BRAF: variants seen among roughly 807,000 people sequenced by gnomAD.
BRAF encodes the protein B-Raf proto-oncogene, serine/threonine kinase.
BRAF carries 16 observed loss-of-function variants against 104.6 expected under a neutral mutation model. The observed-to-expected ratio is 0.15, with a 90% confidence interval of 0.10 to 0.23. The LOEUF is 0.23. BRAF is among the 10% of genes least tolerant of loss of function. BRAF has a pLI of 1.00. For missense variants in BRAF, 541 were observed against 937.3 expected, an observed-to-expected ratio of 0.58 and a Z score of 5.52; for synonymous variants, 310 against 341.6, an observed-to-expected ratio of 0.91 and a Z score of 1.02.
At chr7:140,816,486 A>C (rs1404899119) in intron 3 of BRAF, among the ~76,000 whole-genome samples, 3 of 152,168 alleles carry the variant, frequency 2.0e-5, no homozygotes, top group Non-Finnish European at 2.9e-5. Context: ...CCTTTTCCTT[A>C]ATCTTTCCAT....
At position 140,810,982 on chromosome 7, in the gene BRAF, C is replaced by A. The variant is rs1804198938; in HGVS notation, c.505-1987G>T. Among the ~76,000 whole-genome samples the A allele has an allele frequency of 2.0e-5, 3 of 152,188 alleles. No homozygotes were observed. In the South Asian group the frequency reaches 6.2e-4, roughly 32 times the overall value. On this transcript the variant is annotated intron_variant, in intron 3 of 19. Transcript: ENST00000644969. Reference sequence around the variant, plus strand: ...TTTAAAATAATCCCTAAGCATAGTGCTCACGTGCTGTTTAGGGCTGGTAAG... The same window carrying A: ...TTTAAAATAATCCCTAAGCATAGTGATCACGTGCTGTTTAGGGCTGGTAAG...
intron 10 of BRAF, among the ~76,000 whole-genome samples, chr7:140,784,307 T>C (rs572380907): frequency 6.6e-6 from 1 of 152,328 alleles, no homozygotes; most frequent in East Asian, 1.9e-4. Flanking sequence ...TATGCAATTT[T>C]CTAAAATAAA....
chr7:140,885,999 T>A (rs1405749430), intron 1 of BRAF, among the ~76,000 whole-genome samples: 2 of 152,164 alleles, frequency 1.3e-5, no homozygotes, highest in African/African-American at 4.8e-5. Context: ...ACAAAGATAA[T>A]AAGAGTAGGC....
rs111263390 is a variant in BRAF at position 140,765,041 on chromosome 7, G to T, written c.1815-10808C>A. ...GCTGGAGGCATCACACTACCTGACT[G>T]CAAACTATACTACAAGGCTACAGTA... On this transcript the variant is annotated intron_variant, in intron 14 of 19. Transcript: ENST00000644969. Among the ~76,000 whole-genome samples the T allele has an allele frequency of 5.4e-4, 82 of 152,196 alleles. No individual in the cohort carries two copies. The Middle Eastern group carries it at 0.01, about 19-fold the overall frequency.
chr7:140,916,492 C>T (rs1053857801), intron 1 of BRAF, among the ~76,000 whole-genome samples: 1 of 152,218 alleles, frequency 6.6e-6, no homozygotes, highest in Non-Finnish European at 1.5e-5. Context: ...AAACTAGTAT[C>T]TTTCACAACC....
At chr7:140,812,493 A>C (rs1268001276) in intron 3 of BRAF, among the ~76,000 whole-genome samples, 1 of 152,132 alleles carries the variant, frequency 6.6e-6, no homozygotes, top group Non-Finnish European at 1.5e-5. Flanking sequence ...CCAGTAATGC[A>C]CTTCAAATAT....
At chr7:140,805,410 C>T (rs534518558) in intron 5 of BRAF, among the ~76,000 whole-genome samples, 1 of 152,122 alleles carries the variant, frequency 6.6e-6, no homozygotes, top group African/African-American at 2.4e-5. Flanking sequence ...AGGTAGGTGA[C>T]CAAAACAGCT....
chr7:140,892,716 G>A (rs545006675), intron 1 of BRAF, among the ~76,000 whole-genome samples: 17 of 152,266 alleles, frequency 1.1e-4, no homozygotes, highest in African/African-American at 2.9e-4. Flanking sequence ...GACATTTTAC[G>A]AGTTTTTATC....
chr7:140,761,006 A>T (rs1238445044), intron 14 of BRAF, among the ~76,000 whole-genome samples: 4 of 152,220 alleles, frequency 2.6e-5, no homozygotes, highest in Non-Finnish European at 5.9e-5. Flanking sequence ...CTAGCAAGGC[A>T]GGCCAATGTT....
intron 2 of BRAF, among the ~76,000 whole-genome samples, chr7:140,847,502 G>A (rs1364643860): frequency 6.6e-6 from 1 of 151,888 alleles, no homozygotes; most frequent in East Asian, 1.9e-4. Flanking sequence ...AAAATTGCTT[G>A]AACCTGGGAG....
intron 5 of BRAF, among the ~76,000 whole-genome samples, chr7:140,802,034 G>A (rs1409224123): frequency 6.6e-6 from 1 of 152,092 alleles, no homozygotes; most frequent in Non-Finnish European, 1.5e-5. Context: ...GGGGAGAGGA[G>A]GGAGAGGAAG....
Position 140,785,769 on chromosome 7 carries a change from T to G in BRAF, c.1217A>C (p.Gln406Pro). 2.5e-6 allele frequency: 1 copy of G among 399,014 alleles called. No homozygotes were observed. Among genetic ancestry groups the G allele is most frequent in the Non-Finnish European group, 4.4e-6 (1 of 226,072 alleles). 24.7% of individuals were successfully genotyped at this position (399,014 alleles called of 1,614,324 possible). A position where few individuals can be genotyped will look rare whatever the true frequency, so the allele number is the denominator to read the frequency against. ...NQLMRCLRKY[Q>P]SRTPSPLLHS... is the part of the protein sequence containing the mutation. ...TAGGAGGGGACTGGGAGTCCGGGAT[T>G]GGTATTTCCGAAGACAGCGCATCAG... The change falls in exon 10 of 20, where the codon CAA becomes CCA. Residue 406 changes from glutamine to proline, a missense_variant. Physicochemically the swap from Gln to Pro is moderately conservative, Grantham distance 76. Transcript: ENST00000644969.
rs976244529 is a variant in BRAF, at chr7:140,720,267, G to A, written c.*6227C>T. On this transcript the variant is annotated 3_prime_UTR_variant, in exon 20 of 20. Transcript: ENST00000644969. ...GTGATACAGTCCTCAAAAATCAGGC[G>A]ATATCATGAAGGCCAAACTGAGTCT... is the stretch of plus-strand genomic sequence containing the variant. 8 of 1,062,618 alleles carry A rather than the reference G, an allele frequency of 7.5e-6. No individual in the cohort carries two copies. In the African/African-American group the frequency reaches 1.3e-4, roughly 17 times the overall value. The allele number at this position is 1,062,618 out of a possible 1,614,324, so 65.8% of individuals were successfully genotyped here.
intron 1 of BRAF, among the ~76,000 whole-genome samples, chr7:140,908,844 C>G (rs539085681): frequency 7.4e-6 from 1 of 135,992 alleles, no homozygotes; most frequent in South Asian, 2.6e-4. Context: ...TCCACCAAAA[C>G]CAAAGCCCAA....
At chr7:140,887,529 T>C (rs1352739113) in intron 1 of BRAF, among the ~76,000 whole-genome samples, 1 of 152,146 alleles carries the variant, frequency 6.6e-6, no homozygotes, top group Non-Finnish European at 1.5e-5. Context: ...CTTTTCCCTT[T>C]TGGGTAATAT....
rs2129062126 is a variant in BRAF at position 140,834,741 on chromosome 7, GGAA to G, written c.369_371del (p.Ser127del). 2 of 1,614,152 alleles carry G rather than the reference GGAA, an allele frequency of 1.2e-6. No homozygotes were observed. Among genetic ancestry groups the G allele is most frequent in the Non-Finnish European group, 1.7e-6 (2 of 1,180,014 alleles). Reference sequence around the variant, plus strand: ...AAGGTAGCACTGAAAGGCTAGAAGAGGAAGAAGATGTAACGGTATCCATTGATG... The same window carrying G: ...AAGGTAGCACTGAAAGGCTAGAAGAGGAAGATGTAACGGTATCCATTGATG... On this transcript the variant is annotated inframe_deletion, in exon 3 of 20. Transcript: ENST00000644969.
At position 140,725,883 on chromosome 7, in the gene BRAF, C is replaced by A; in HGVS notation, c.*611G>T. On this transcript the variant is annotated 3_prime_UTR_variant, in exon 20 of 20. Transcript: ENST00000644969. Reference sequence around the variant, plus strand: ...TGCCCTTTTCCTCCATACCAAGACACATCTACTCACCACTCAGCCTCCATT... The same window carrying A: ...TGCCCTTTTCCTCCATACCAAGACAAATCTACTCACCACTCAGCCTCCATT... 9.4e-7 allele frequency: 1 copy of A among 1,062,638 alleles called. No homozygotes were observed. 65.8% of individuals were successfully genotyped at this position (1,062,638 alleles called of 1,614,324 possible).
chr7:140,768,370 C>G (rs1799527227), intron 14 of BRAF, among the ~76,000 whole-genome samples: 1 of 152,230 alleles, frequency 6.6e-6, no homozygotes, highest in Admixed American at 6.5e-5. Flanking sequence ...TTGAATATGG[C>G]TTGTCCCCAC....
Position 140,802,333 on chromosome 7 carries a change from T to C in BRAF, c.712-773A>G, listed in dbSNP as rs188658371. Among the ~76,000 whole-genome samples, 469 of 149,390 alleles carry C rather than the reference T, an allele frequency of 3.1e-3. 3 individuals carry two copies. Among genetic ancestry groups the C allele is most frequent in the Non-Finnish European group, 5.3e-3 (360 of 67,378 alleles). On this transcript the variant is annotated intron_variant, in intron 5 of 19. Coordinates refer to ENST00000644969, the MANE Select transcript of BRAF (RefSeq NM_001374258.1). ...TTTTTTTTGAGACAGAGTCTGGCTCTGTCGCCCAGGCTGGAGTGCTGTGGC... is the reference window on the plus strand; with the variant it reads ...TTTTTTTTGAGACAGAGTCTGGCTCCGTCGCCCAGGCTGGAGTGCTGTGGC...
Sources: allele counts gnomAD v4.1 joint callset (sites outside exome capture counted in the v4.1 genomes callset), GRCh38; gene constraint gnomAD v4.1.1; transcripts MANE v1.5; gene names NCBI Gene and HGNC (gene_info 2026-07-23, HGNC 2026-07-21).